Variants in SNAP91 observed in about 807,000 individuals in gnomAD.
SNAP91 encodes the protein synaptosome associated protein 91.
SNAP91 carries 27 observed loss-of-function variants against 100.3 expected under a neutral mutation model. That is an observed-to-expected ratio of 0.27 (90% CI 0.20 to 0.37). SNAP91 has a LOEUF of 0.37. Ranked by LOEUF, SNAP91 falls within the 10% of genes least tolerant of loss-of-function variation. The pLI is 1.00. For synonymous variants in SNAP91, 404 were observed against 398.6 expected (o/e 1.01, Z -0.16); for missense variants, 986 against 1,123.7 (o/e 0.88, Z 1.75).
chr6:83,665,352 G>A, intron 3 of SNAP91, 87 bp downstream of exon 3: 1 of 1,317,430 alleles, frequency 7.6e-7, no homozygotes, highest in Non-Finnish European at 1.0e-6. Context: ...CCTAATTAGT[G>A]AAAATTCAAA....
chr6:83,578,186 A>G (rs1258173086), intron 24 of SNAP91, among the ~76,000 whole-genome samples: 1 of 152,168 alleles, frequency 6.6e-6, no homozygotes, highest in Non-Finnish European at 1.5e-5. Flanking sequence ...ACATTCATGT[A>G]CAAGTTTTTG....
intron 2 of SNAP91, among the ~76,000 whole-genome samples, chr6:83,694,836 T>G (rs1023245796): frequency 1.3e-5 from 2 of 152,178 alleles, no homozygotes; most frequent in African/African-American, 4.8e-5. Flanking sequence ...AAAACTATTT[T>G]GATCTATGGT....
chr6:83,690,405 A>G, intron 2 of SNAP91: 1 of 1,288,810 alleles, frequency 7.8e-7, no homozygotes, highest in Non-Finnish European at 1.0e-6. Flanking sequence ...TCTCAAAATT[A>G]GGAAGCACTT....
intron 26 of SNAP91, among the ~76,000 whole-genome samples, chr6:83,571,482 T>G (rs987754056): frequency 6.6e-6 from 1 of 152,216 alleles, no homozygotes; most frequent in African/African-American, 2.4e-5. Flanking sequence ...GCTTTAAAAT[T>G]TGACTCTCCC....
At chr6:83,609,211 G>T (rs2095835627) in intron 12 of SNAP91, among the ~76,000 whole-genome samples, 1 of 151,406 alleles carries the variant, frequency 6.6e-6, no homozygotes, top group South Asian at 2.1e-4. Flanking sequence ...CAAATAATCT[G>T]TTATTACAAA....
chr6:83,671,335 T>G (rs559255229), intron 2 of SNAP91, among the ~76,000 whole-genome samples: 2 of 152,246 alleles, frequency 1.3e-5, no homozygotes, highest in African/African-American at 4.8e-5. Flanking sequence ...AAATGATTTC[T>G]GTATCTTGAT....
intron 2 of SNAP91, among the ~76,000 whole-genome samples, chr6:83,703,528 T>C (rs574003376): frequency 6.6e-6 from 1 of 152,366 alleles, no homozygotes; most frequent in South Asian, 2.1e-4. Flanking sequence ...TTTTTGCAGA[T>C]ACTTTATGAA....
intron 16 of SNAP91, 58 bp downstream of exon 16, chr6:83,601,213 A>C (rs1445659976): frequency 2.5e-6 from 4 of 1,573,922 alleles, no homozygotes; most frequent in Non-Finnish European, 3.5e-6. Flanking sequence ...AAAGACCTTA[A>C]CTCCCAAGTA....
At position 83,555,867 on chromosome 6, in the gene SNAP91, A is replaced by G. The variant is rs564029459; in HGVS notation, c.*10+276T>C. 3.3e-5 allele frequency among the ~76,000 whole-genome samples: 5 copies of G among 152,304 alleles called. No homozygotes were observed. In the South Asian group the frequency reaches 1.0e-3, roughly 32 times the overall value. On this transcript the variant is annotated intron_variant, in intron 29 of 29. Coordinates refer to ENST00000369694, the MANE Select transcript of SNAP91 (RefSeq NM_001242792.2). ...TAAAGTGGTAATTTTCTAATTTACC[A>G]AGTAGCTTGGGCACCTTTTTGCTTT...
At chr6:83,658,919 C>A in intron 6 of SNAP91, 80 bp downstream of exon 6, 2 of 1,051,020 alleles carry the variant, frequency 1.9e-6, no homozygotes, top group South Asian at 1.5e-5. Flanking sequence ...CCGAGGAAAT[C>A]TTTGGATTTA....
At chr6:83,663,401 A>G (rs2098602354) in intron 3 of SNAP91, among the ~76,000 whole-genome samples, 1 of 152,188 alleles carries the variant, frequency 6.6e-6, no homozygotes, top group African/African-American at 2.4e-5. Flanking sequence ...TATAAAGGAA[A>G]AGTCTTGAAG....
chr6:83,700,423 A>G (rs2099276847), intron 2 of SNAP91, among the ~76,000 whole-genome samples: 1 of 152,016 alleles, frequency 6.6e-6, no homozygotes, highest in Non-Finnish European at 1.5e-5. Flanking sequence ...TATTATTAGT[A>G]GTGGTATTAA....
chr6:83,591,290 T>C lies in SNAP91; in HGVS notation c.1935A>G (p.Ala645=), dbSNP rs1247756866. Residue 645 remains alanine, a synonymous_variant, in exon 22 of 30, where the codon GCA becomes GCG. Transcript: ENST00000369694. ...SSGVIDLFGD[A]FGSSASEPQP... ...GGGGTTCAGAAGCACTACTTCCAAA[T>C]GCATCTATCCGTTATCCATTGTGCA... 6.2e-7 allele frequency: 1 copy of C among 1,608,768 alleles called. No homozygotes were observed.
chr6:83,637,644 G>A (rs1462048989), intron 8 of SNAP91, among the ~76,000 whole-genome samples: 1 of 152,174 alleles, frequency 6.6e-6, no homozygotes, highest in Non-Finnish European at 1.5e-5. Context: ...TGGGCTGCAG[G>A]GCTCCCTGGG....
chr6:83,681,147 A>G (rs2128913271), intron 2 of SNAP91, among the ~76,000 whole-genome samples: 1 of 152,286 alleles, frequency 6.6e-6, no homozygotes, highest in East Asian at 1.9e-4. Context: ...GAATTATATG[A>G]AATTACCTTT....
chr6:83,618,194 T>C (rs1164323290), intron 9 of SNAP91, among the ~76,000 whole-genome samples: 1 of 151,732 alleles, frequency 6.6e-6, no homozygotes, highest in Non-Finnish European at 1.5e-5. Context: ...ATTCATGTGA[T>C]TATTATATTT....
At chr6:83,585,628 A>G (rs2092391097) in intron 22 of SNAP91, among the ~76,000 whole-genome samples, 1 of 151,918 alleles carries the variant, frequency 6.6e-6, no homozygotes, top group Non-Finnish European at 1.5e-5. Context: ...GTCCTACACT[A>G]TAACTGAAGA....
rs755878175 is a variant in SNAP91 at position 83,659,096 on chromosome 6, C to T, written c.453-4G>A. On this transcript the variant is annotated splice_region_variant and splice_polypyrimidine_tract_variant and intron_variant, in intron 5 of 29. Transcript: ENST00000369694. ...TGTCCTCATTACACCATCGGCCCTA[C>T]AATTAAAAAAAAAAAAAAGGTACAA... 6 of 1,499,386 alleles carry T rather than the reference C, an allele frequency of 4.0e-6. No individual in the cohort carries two copies. The South Asian group carries it at 7.7e-5, about 19-fold the overall frequency. 92.9% of individuals were successfully genotyped at this position (1,499,386 alleles called of 1,614,324 possible). A position where few individuals can be genotyped will look rare whatever the true frequency, so the allele number is the denominator to read the frequency against.
intron 9 of SNAP91, among the ~76,000 whole-genome samples, chr6:83,619,565 A>G (rs1164563238): frequency 6.6e-6 from 1 of 152,226 alleles, no homozygotes; most frequent in East Asian, 1.9e-4. Context: ...TGGGAACACC[A>G]ATCCAAAGAA....
Sources: allele counts gnomAD v4.1 joint callset (sites outside exome capture counted in the v4.1 genomes callset), GRCh38; gene constraint gnomAD v4.1.1; transcripts MANE v1.5; gene names NCBI Gene and HGNC (gene_info 2026-07-23, HGNC 2026-07-21).